Variants in STOX2 observed in about 807,000 individuals in gnomAD.
STOX2 encodes storkhead-box protein 2.
A neutral mutation model predicts 60.9 loss-of-function variants in STOX2; 28 were observed. That is an observed-to-expected ratio of 0.46 (90% CI 0.34 to 0.63). The LOEUF is 0.63. Ranked by LOEUF, STOX2 falls within the 30% of genes least tolerant of loss-of-function variation. The pLI is 0.01. For missense variants in STOX2, 1,024 were observed against 1,187.7 expected (o/e 0.86, Z 2.03); for synonymous variants, 472 against 463.9 (o/e 1.02, Z -0.22).
At chr4:183,897,901 T>C (rs1160313668) in intron 1 of STOX2, among the ~76,000 whole-genome samples, 2 of 152,206 alleles carry the variant, frequency 1.3e-5, no homozygotes, top group Non-Finnish European at 1.5e-5. Flanking sequence ...CATACAATCA[T>C]ATTATTATGC....
intron 1 of STOX2, among the ~76,000 whole-genome samples, chr4:183,835,045 T>C (rs1739669665): frequency 6.6e-6 from 1 of 151,942 alleles, no homozygotes; most frequent in African/African-American, 2.4e-5. Flanking sequence ...AAACATAGTG[T>C]CTTGAAGGAG....
chr4:183,936,277 T>C lies in STOX2; in HGVS notation c.166+29321T>C, dbSNP rs138615587. Among the ~76,000 whole-genome samples the C allele has an allele frequency of 3.6e-3, 553 of 152,332 alleles. 15 individuals are homozygous for C. Among genetic ancestry groups the C allele is most frequent in the Admixed American group, 0.025 (376 of 15,304 alleles). On this transcript the variant is annotated intron_variant, in intron 1 of 3. Coordinates refer to ENST00000308497, the MANE Select transcript of STOX2 (RefSeq NM_020225.3). ...TCGCTCTCATCTGTGCTGGGGAAGC[T>C]ATAGCCTCGTGTAGCCTAGCCTAGC...
intron 1 of STOX2, among the ~76,000 whole-genome samples, chr4:183,851,473 CGATGAGGGAAAG>C (rs1161174171): frequency 1.1e-4 from 1 of 9,352 alleles, no homozygotes; most frequent in Admixed American, 1.2e-3. Context: ...ATGAGAGAAA[CGATGAGGGAAAG>C]GATGAGGGAA....
chr4:183,873,614 T>C (rs1219930249), intron 1 of STOX2, among the ~76,000 whole-genome samples: 4 of 152,140 alleles, frequency 2.6e-5, no homozygotes, highest in African/African-American at 9.7e-5. Context: ...GTTGTTTCCA[T>C]AGATATTGTG....
At chr4:183,834,489 G>A (rs1268401670) in intron 1 of STOX2, among the ~76,000 whole-genome samples, 4 of 152,108 alleles carry the variant, frequency 2.6e-5, no homozygotes, top group South Asian at 2.1e-4. Context: ...GGAGAGGTGC[G>A]GAGTTGGAAT....
At chr4:184,008,029 C>T (rs1733947370) in intron 2 of STOX2, among the ~76,000 whole-genome samples, 1 of 152,188 alleles carries the variant, frequency 6.6e-6, no homozygotes, top group African/African-American at 2.4e-5. Context: ...ATCCAGCAGC[C>T]CGGCCCCAGC....
At chr4:183,979,459 G>A (rs568244457) in intron 1 of STOX2, among the ~76,000 whole-genome samples, 1 of 152,226 alleles carries the variant, frequency 6.6e-6, no homozygotes, top group East Asian at 1.9e-4. Flanking sequence ...TGATATTCTT[G>A]TGATTGCCTA....
chr4:183,993,485 A>G (rs1733198952), intron 1 of STOX2, among the ~76,000 whole-genome samples: 1 of 152,246 alleles, frequency 6.6e-6, no homozygotes, highest in African/African-American at 2.4e-5. Context: ...GTATTTCAGT[A>G]TGATTAATGA....
At chr4:183,898,958 G>C (rs1357090384) in intron 1 of STOX2, among the ~76,000 whole-genome samples, 1 of 152,176 alleles carries the variant, frequency 6.6e-6, no homozygotes, top group Non-Finnish European at 1.5e-5. Flanking sequence ...GCTGTGGTGA[G>C]TAAGTCTATG....
At chr4:183,854,547 T>C (rs1740240837) in intron 1 of STOX2, among the ~76,000 whole-genome samples, 1 of 152,214 alleles carries the variant, frequency 6.6e-6, no homozygotes, top group Admixed American at 6.5e-5. Context: ...GAGTTTATTA[T>C]TTTTTATAAA....
intron 1 of STOX2, among the ~76,000 whole-genome samples, chr4:183,805,139 T>A (rs903329402): frequency 1.3e-5 from 2 of 152,212 alleles, no homozygotes; most frequent in African/African-American, 2.4e-5. Flanking sequence ...ATTTTAAATG[T>A]CTTCAGTCTG....
At chr4:183,966,747 C>T (rs555235161) in intron 1 of STOX2, among the ~76,000 whole-genome samples, 48 of 152,244 alleles carry the variant, frequency 3.2e-4, no homozygotes, top group South Asian at 1.2e-3. Flanking sequence ...AGGACCTGTG[C>T]GGAAAGTGTG....
intron 1 of STOX2, among the ~76,000 whole-genome samples, chr4:183,946,810 G>C (rs771504869): frequency 6.6e-6 from 1 of 152,028 alleles, no homozygotes; most frequent in African/African-American, 2.4e-5. Flanking sequence ...ATTTTTAGTA[G>C]AGTTGGGGGT....
At chr4:183,901,939 A>C (rs1485755720), upstream of STOX2, among the ~76,000 whole-genome samples, 1 of 152,148 alleles carries the variant, frequency 6.6e-6, no homozygotes, top group African/African-American at 2.4e-5. Context: ...AAATTTCATG[A>C]AGTCAGTTTT....
At chr4:183,895,242 CCTATATGAA>C (rs1741314926) in intron 1 of STOX2, among the ~76,000 whole-genome samples, 1 of 152,108 alleles carries the variant, frequency 6.6e-6, no homozygotes, top group African/African-American at 2.4e-5. Flanking sequence ...ATTGTCAAGT[CCTATATGAA>C]CATAAGGCAT....
At chr4:183,807,131 C>T (rs963903859) in intron 1 of STOX2, among the ~76,000 whole-genome samples, 5 of 152,228 alleles carry the variant, frequency 3.3e-5, no homozygotes, top group African/African-American at 7.2e-5. Flanking sequence ...CACCACCACG[C>T]CCAGCTAATT....
At chr4:183,920,284 A>G (rs947896945) in intron 1 of STOX2, among the ~76,000 whole-genome samples, 6 of 151,656 alleles carry the variant, frequency 4.0e-5, no homozygotes, top group Non-Finnish European at 8.8e-5. Context: ...TAATTTTTGT[A>G]TTTTTAGTAG....
chr4:183,933,633 C>T (rs1175803380), intron 1 of STOX2, among the ~76,000 whole-genome samples: 1 of 152,160 alleles, frequency 6.6e-6, no homozygotes. Flanking sequence ...AGGTGATCCA[C>T]CCGCCTCATC....
intron 1 of STOX2, among the ~76,000 whole-genome samples, chr4:183,869,219 AC>A (rs1740637077): frequency 2.6e-5 from 4 of 152,224 alleles, no homozygotes; most frequent in Admixed American, 2.6e-4. Context: ...ATTTTCCATG[AC>A]GAGGAAAGAA....
Sources: allele counts gnomAD v4.1 joint callset (sites outside exome capture counted in the v4.1 genomes callset), GRCh38; gene constraint gnomAD v4.1.1; transcripts MANE v1.5; gene names NCBI Gene and HGNC (gene_info 2026-07-23, HGNC 2026-07-21).